The following MTAP variants were observed in gnomAD, a reference collection of about 807,000 sequenced individuals.
The protein encoded by MTAP is S-methyl-5'-thioadenosine phosphorylase.
In MTAP, 33 loss-of-function variants were observed where a neutral mutation model predicts 33.6. That is an observed-to-expected ratio of 0.98 (90% CI 0.74 to 1.31). The LOEUF (loss-of-function observed/expected upper bound fraction) is 1.31. Among genes scored for constraint, MTAP ranks in the 40% most tolerant of loss-of-function variants. The pLI is 0.00. For missense variants in MTAP, 367 were observed against 360.0 expected (o/e 1.02, Z -0.16); for synonymous variants, 148 against 125.7 (o/e 1.18, Z -1.19).
chr9:21,829,348 A>T (rs1010247210), intron 4 of MTAP, among the ~76,000 whole-genome samples: 1 of 151,266 alleles, frequency 6.6e-6, no homozygotes, highest in Admixed American at 6.6e-5. Flanking sequence ...CACTTTACCC[A>T]CTACACGTTG....
chr9:21,826,595 G>C (rs1203855709), intron 4 of MTAP, among the ~76,000 whole-genome samples: 1 of 140,220 alleles, frequency 7.1e-6, no homozygotes, highest in Non-Finnish European at 1.5e-5. Context: ...GGTGCCAGAG[G>C]TGCTGGGGTT....
chr9:21,871,986 G>A (rs1330582003), downstream of MTAP, among the ~76,000 whole-genome samples: 2 of 152,132 alleles, frequency 1.3e-5, no homozygotes, highest in Non-Finnish European at 2.9e-5. Flanking sequence ...TAAAACCAGT[G>A]AAAATTTTTG....
intron 1 of MTAP, among the ~76,000 whole-genome samples, chr9:21,894,885 A>G (rs1818264219): frequency 6.6e-6 from 1 of 152,108 alleles, no homozygotes; most frequent in Admixed American, 6.5e-5. Context: ...CATCAATAAC[A>G]TCCAAGCTGA....
intron 2 of MTAP, among the ~76,000 whole-genome samples, chr9:21,816,276 C>A (rs1261557071): frequency 2.6e-5 from 4 of 152,194 alleles, no homozygotes; most frequent in Non-Finnish European, 5.9e-5. Context: ...TACCTCAAGT[C>A]ATTTCCATGA....
chr9:21,927,268 C>A (rs1441435374), intron 1 of MTAP, among the ~76,000 whole-genome samples: 1 of 152,224 alleles, frequency 6.6e-6, no homozygotes, highest in African/African-American at 2.4e-5. Context: ...AGGGTGGCCA[C>A]ACTGCCTAAA....
At chr9:21,826,646 T>C (rs921861396) in intron 4 of MTAP, among the ~76,000 whole-genome samples, 3 of 147,100 alleles carry the variant, frequency 2.0e-5, no homozygotes, top group Admixed American at 6.7e-5. Context: ...ATTATTATTA[T>C]TATTTAACTG....
chr9:21,890,636 T>G (rs1036322001), intron 1 of MTAP, among the ~76,000 whole-genome samples: 1 of 152,318 alleles, frequency 6.6e-6, no homozygotes, highest in East Asian at 1.9e-4. Flanking sequence ...TTACTGCTGC[T>G]TCTTCTACCT....
Position 21,862,272 on chromosome 9 carries a change from A to C in MTAP, c.*258A>C, listed in dbSNP as rs15735. 228,200 of 756,050 alleles carry C rather than the reference A, an allele frequency of 0.3. 39,575 individuals are homozygous for C. Among genetic ancestry groups the C allele is most frequent in the Admixed American group, 0.53 (12,354 of 23,144 alleles). The allele number at this position is 756,050 out of a possible 1,614,324, so 46.8% of individuals were successfully genotyped here. A position where few individuals can be genotyped will look rare whatever the true frequency, so the allele number is the denominator to read the frequency against. On this transcript the variant is annotated 3_prime_UTR_variant, in exon 8 of 8. Coordinates refer to ENST00000644715, the MANE Select transcript of MTAP (RefSeq NM_002451.4). ...ATTACATTTTAAGGGGGAAAAAAAA[A>C]CCCACCATTCTCTTCTCCCCCTATT...
chr9:21,929,254 T>G (rs1818916223), intron 1 of MTAP, among the ~76,000 whole-genome samples: 1 of 152,110 alleles, frequency 6.6e-6, no homozygotes, highest in African/African-American at 2.4e-5. Context: ...AGACCTGAAA[T>G]TCCTCTTTTA....
chr9:21,810,292 C>G (rs1824313169), intron 1 of MTAP, among the ~76,000 whole-genome samples: 1 of 152,182 alleles, frequency 6.6e-6, no homozygotes, highest in Non-Finnish European at 1.5e-5. Context: ...ATATCCCAAT[C>G]TCTTGTAAGG....
intron 1 of MTAP, among the ~76,000 whole-genome samples, chr9:21,809,862 A>T (rs930248507): frequency 6.6e-6 from 1 of 152,214 alleles, no homozygotes; most frequent in Admixed American, 6.5e-5. Flanking sequence ...CTGTTGCTCC[A>T]CAGGCAAAGG....
intron 5 of MTAP, among the ~76,000 whole-genome samples, chr9:21,850,586 C>T (rs894301217): frequency 1.3e-5 from 2 of 152,178 alleles, no homozygotes; most frequent in Admixed American, 6.6e-5. Context: ...TGGCAGGCCC[C>T]CATAGGTGAA....
intron 1 of MTAP, among the ~76,000 whole-genome samples, chr9:21,881,136 G>T (rs192399098): frequency 3.3e-5 from 5 of 152,044 alleles, no homozygotes; most frequent in Non-Finnish European, 5.9e-5. Flanking sequence ...TTCAACAAGG[G>T]TGCCAAAATC....
intron 1 of MTAP, among the ~76,000 whole-genome samples, chr9:21,882,311 T>C (rs1818029032): frequency 1.3e-5 from 2 of 152,004 alleles, no homozygotes; most frequent in Non-Finnish European, 2.9e-5. Flanking sequence ...TGCTAAACTG[T>C]GTACTTAAAA....
At chr9:21,912,705 C>G (rs972962108) in intron 1 of MTAP, among the ~76,000 whole-genome samples, 4 of 152,314 alleles carry the variant, frequency 2.6e-5, no homozygotes, top group African/African-American at 7.2e-5. Context: ...TGGAAGCATT[C>G]TCTTTGAAAA....
intron 4 of MTAP, among the ~76,000 whole-genome samples, chr9:21,821,091 C>T (rs991067433): frequency 2.0e-5 from 3 of 152,166 alleles, no homozygotes; most frequent in Non-Finnish European, 2.9e-5. Context: ...TTTGATTACT[C>T]TTTTCCTAAT....
At position 21,866,558 on chromosome 9, in the gene MTAP, T is replaced by G. The variant is rs911620110; in HGVS notation, c.*4544T>G. The G allele has an allele frequency of 6.6e-6, 1 of 152,144 alleles. No individual in the cohort carries two copies. The highest frequency in any genetic ancestry group is 1.5e-5 in the Non-Finnish European group (1 of 67,998). 9.4% of individuals were successfully genotyped at this position (152,144 alleles called of 1,614,324 possible). On this transcript the variant is annotated 3_prime_UTR_variant, in exon 8 of 8. Transcript: ENST00000644715. Reference sequence around the variant, plus strand: ...GTGTGCCCTTGTCAAAATTTACTGTTTATCTGTGAATCTGGATGATCTATT... The same window carrying G: ...GTGTGCCCTTGTCAAAATTTACTGTGTATCTGTGAATCTGGATGATCTATT...
At chr9:21,840,249 A>T (rs1389590883) in intron 5 of MTAP, among the ~76,000 whole-genome samples, 2 of 152,078 alleles carry the variant, frequency 1.3e-5, no homozygotes, top group Non-Finnish European at 2.9e-5. Context: ...AAGAAAAGAC[A>T]GGGCTAACGT....
At position 21,922,157 on chromosome 9, in the gene MTAP, G is replaced by T. The variant is rs957067489; in HGVS notation, c.148-8851G>T. On this transcript the variant is annotated intron_variant, in intron 1 of 1. Coordinates refer to the MTAP transcript ENST00000577563. The surrounding 1 kb of genome is among the most constrained non-coding windows in gnomAD (Gnocchi z 4.8). Reference sequence around the variant, plus strand: ...GGCAAAATGGCAGAGTTTAACTGGTGTATGACCAGTTCCTCTAGGAACACT... The same window carrying T: ...GGCAAAATGGCAGAGTTTAACTGGTTTATGACCAGTTCCTCTAGGAACACT... Among the ~76,000 whole-genome samples, 2 of 151,994 alleles carry T rather than the reference G, an allele frequency of 1.3e-5. No homozygotes were observed. Among genetic ancestry groups the T allele is most frequent in the African/African-American group, 4.8e-5 (2 of 41,378 alleles).
Sources: gnomAD v4.1 joint callset for allele counts (sites outside exome capture counted in the v4.1 genomes callset) on GRCh38, gnomAD v4.1.1 for gene constraint, Gnocchi (gnomAD v3.1) non-coding constraint, MANE v1.5 for transcripts, NCBI Gene and HGNC (gene_info 2026-07-23, HGNC 2026-07-21) for gene names.